Variants in ANKRD28 observed in about 807,000 individuals in gnomAD.
The protein encoded by ANKRD28 is serine/threonine-protein phosphatase 6 regulatory ankyrin repeat subunit A.
A neutral mutation model predicts 126.5 loss-of-function variants in ANKRD28; 44 were observed. That is an observed-to-expected ratio of 0.35 (90% CI 0.27 to 0.45). The LOEUF (loss-of-function observed/expected upper bound fraction) is 0.45. ANKRD28 is among the 20% of genes least tolerant of loss of function. The probability of loss-of-function intolerance (pLI) is 1.00; values close to 1 mark genes in which losing one functional copy is unlikely to be tolerated. For missense variants in ANKRD28, 1,110 were observed against 1,316.6 expected, an observed-to-expected ratio of 0.84 and a Z score of 2.43; for synonymous variants, 442 against 468.5, an observed-to-expected ratio of 0.94 and a Z score of 0.73.
chr3:15,806,331 T>A (rs541759079), intron 1 of ANKRD28, among the ~76,000 whole-genome samples: 3 of 152,336 alleles, frequency 2.0e-5, no homozygotes, highest in African/African-American at 4.8e-5. Flanking sequence ...AACTAGGTTG[T>A]TAAATCCGCT....
intron 4 of ANKRD28, among the ~76,000 whole-genome samples, chr3:15,740,598 A>G (rs1202154595): frequency 6.6e-6 from 1 of 152,222 alleles, no homozygotes; most frequent in East Asian, 1.9e-4. Flanking sequence ...GTAATTGGAT[A>G]AACTGGGCAA....
chr3:15,674,340 T>C (rs1384027490), intron 27 of ANKRD28, among the ~76,000 whole-genome samples: 2 of 152,124 alleles, frequency 1.3e-5, no homozygotes, highest in African/African-American at 2.4e-5. Flanking sequence ...TGATGGACTA[T>C]ACATTGAGTA....
intron 1 of ANKRD28, among the ~76,000 whole-genome samples, chr3:15,819,189 G>C (rs540438318): frequency 2.6e-5 from 4 of 152,226 alleles, no homozygotes; most frequent in Admixed American, 2.6e-4. Flanking sequence ...GAGGTGGGAG[G>C]ATTGCTTGAG....
chr3:15,718,648 C>A (rs886354951), intron 8 of ANKRD28, among the ~76,000 whole-genome samples: 9 of 152,102 alleles, frequency 5.9e-5, no homozygotes, highest in African/African-American at 2.2e-4. Flanking sequence ...ACAGGAAGCC[C>A]AATCTCTACC....
At chr3:15,852,629 C>T (rs561782882) in intron 1 of ANKRD28, among the ~76,000 whole-genome samples, 258 of 151,628 alleles carry the variant, frequency 1.7e-3, no homozygotes, top group African/African-American at 6.0e-3. Flanking sequence ...GTCAGGAGAT[C>T]GAGACCATCC....
At chr3:15,789,305 C>T (rs563829267) in intron 2 of ANKRD28, among the ~76,000 whole-genome samples, 1 of 152,054 alleles carries the variant, frequency 6.6e-6, no homozygotes, top group African/African-American at 2.4e-5. Context: ...AGGTGATGAA[C>T]CAAGACTGAT....
intron 3 of ANKRD28, among the ~76,000 whole-genome samples, chr3:15,752,423 G>C (rs563282001): frequency 1.3e-5 from 2 of 152,214 alleles, no homozygotes; most frequent in South Asian, 4.1e-4. Flanking sequence ...ATTTTGTACA[G>C]TTGTTTAAAA....
intron 4 of ANKRD28, among the ~76,000 whole-genome samples, chr3:15,744,336 AGAGT>A (rs1307359908): frequency 6.6e-6 from 1 of 151,984 alleles, no homozygotes; most frequent in Admixed American, 6.5e-5. Context: ...TTTTTTAGAT[AGAGT>A]TTCACTTTTG....
intron 2 of ANKRD28, among the ~76,000 whole-genome samples, chr3:15,791,901 G>GA (rs2060045723): frequency 6.6e-6 from 1 of 151,980 alleles, no homozygotes; most frequent in African/African-American, 2.4e-5. Flanking sequence ...AACTCTACAG[G>GA]AAAAAACCTA....
rs1559568151 is a variant in ANKRD28 at position 15,815,648 on chromosome 3, T to A, written c.28-20342A>T. Among the ~76,000 whole-genome samples, 1 of 152,176 alleles carries A rather than the reference T, an allele frequency of 6.6e-6. No individual in the cohort carries two copies. Among genetic ancestry groups the A allele is most frequent in the Non-Finnish European group, 1.5e-5 (1 of 68,036 alleles). On this transcript the variant is annotated intron_variant, in intron 1 of 27. Coordinates refer to the ANKRD28 transcript ENST00000399451. The surrounding 1 kb of genome is among the most constrained non-coding windows in gnomAD (Gnocchi z 4.1). The stretch of plus-strand genomic sequence containing the variant: ...TCGTCATCAATGCTATGACAAAGAA[T>A]CATCTTTGTTATAGTAATTACTATT...
Position 15,858,635 on chromosome 3 carries a change from T to C in ANKRD28, c.27+742A>G, listed in dbSNP as rs139974976. On this transcript the variant is annotated intron_variant, in intron 1 of 27. Coordinates refer to the ANKRD28 transcript ENST00000399451. ...CAAATTAATGTGTAAATGTCACACA[T>C]TAATTTTCCTTTTCCTTAAAAGAGG... Among the ~76,000 whole-genome samples, 539 of 152,334 alleles carry C rather than the reference T, an allele frequency of 3.5e-3. 6 individuals are homozygous for C. The highest frequency in any genetic ancestry group is 0.013 in the African/African-American group (520 of 41,588).
At chr3:15,758,245 C>G (rs1183775580) in intron 3 of ANKRD28, among the ~76,000 whole-genome samples, 1 of 152,198 alleles carries the variant, frequency 6.6e-6, no homozygotes, top group Non-Finnish European at 1.5e-5. Context: ...TATCCCTCTT[C>G]CCAAACTGGA....
Position 15,702,419 on chromosome 3 carries a change from G to A in ANKRD28, c.1547+5505C>T, listed in dbSNP as rs904339568. Among the ~76,000 whole-genome samples, 9 of 152,172 alleles carry A rather than the reference G, an allele frequency of 5.9e-5. No homozygotes were observed. In the East Asian group the frequency reaches 1.5e-3, roughly 26 times the overall value. On this transcript the variant is annotated intron_variant, in intron 14 of 27. Coordinates refer to ENST00000683139, the MANE Select transcript of ANKRD28 (RefSeq NM_001349278.2). ...TTAACACATGTTCATTTTATGAAAC[G>A]CAGACAATTAAGAAATGAAGATTCT...
At chr3:15,849,362 T>C (rs1360660146) in intron 1 of ANKRD28, among the ~76,000 whole-genome samples, 3 of 152,108 alleles carry the variant, frequency 2.0e-5, no homozygotes, top group African/African-American at 4.8e-5. Context: ...AAAACAAAAA[T>C]TGGAAGACTT....
intron 1 of ANKRD28, among the ~76,000 whole-genome samples, chr3:15,813,239 AC>A (rs2125890756): frequency 6.6e-6 from 1 of 152,004 alleles, no homozygotes; most frequent in South Asian, 2.1e-4. Flanking sequence ...GGTGGCATGC[AC>A]CTGTAGTCCC....
chr3:15,727,564 CAAAAAAAAAAAA>C (rs59584114), intron 6 of ANKRD28, among the ~76,000 whole-genome samples: 11 of 65,970 alleles, frequency 1.7e-4, no homozygotes, highest in South Asian at 6.8e-4. Flanking sequence ...GAAACTCTGT[CAAAAAAAAAAAA>C]AAAAAAAAAA....
intron 2 of ANKRD28, among the ~76,000 whole-genome samples, chr3:15,790,519 C>G (rs1414721205): frequency 6.6e-6 from 1 of 151,496 alleles, no homozygotes; most frequent in Non-Finnish European, 1.5e-5. Context: ...TATATCATAT[C>G]AAAAAAATAA....
At chr3:15,709,785 A>T (rs368375758) in intron 12 of ANKRD28, 49 bp from the exon 13 acceptor site, 2 of 1,282,808 alleles carry the variant, frequency 1.6e-6, no homozygotes, top group African/African-American at 3.0e-5. Flanking sequence ...GTGATTTTAT[A>T]ATGAAATTGG....
chr3:15,784,846 CA>C (rs1262054125), intron 2 of ANKRD28, among the ~76,000 whole-genome samples: 1 of 151,948 alleles, frequency 6.6e-6, no homozygotes, highest in Non-Finnish European at 1.5e-5. Context: ...GAGTAGGAAG[CA>C]CCAGGAATCT....
Sources: gnomAD v4.1 joint callset for allele counts (sites outside exome capture counted in the v4.1 genomes callset) on GRCh38, gnomAD v4.1.1 for gene constraint, Gnocchi (gnomAD v3.1) non-coding constraint, MANE v1.5 for transcripts, NCBI Gene and HGNC (gene_info 2026-07-23, HGNC 2026-07-21) for gene names.